Variants in FSTL5 observed in about 807,000 individuals in gnomAD.
The protein encoded by FSTL5 is follistatin like 5.
FSTL5 carries 62 observed loss-of-function variants against 89.1 expected under a neutral mutation model. The ratio of observed to expected loss-of-function variants is 0.70; its 90% CI spans 0.57 to 0.86. FSTL5 has a LOEUF of 0.86. Ranked by LOEUF, FSTL5 falls within the 40% of genes least tolerant of loss-of-function variation. The probability of loss-of-function intolerance (pLI) is 0.00; values close to 1 mark genes in which losing one functional copy is unlikely to be tolerated. For missense variants in FSTL5, 1,057 were observed against 1,001.6 expected, an observed-to-expected ratio of 1.06 and a Z score of -0.75; for synonymous variants, 383 against 346.2, an observed-to-expected ratio of 1.11 and a Z score of -1.18.
At chr4:161,576,678 A>C (rs2126593418) in intron 8 of FSTL5, among the ~76,000 whole-genome samples, 1 of 152,302 alleles carries the variant, frequency 6.6e-6, no homozygotes, top group African/African-American at 2.4e-5. Context: ...TTTCAAATTT[A>C]AAATAGCTCC....
At chr4:162,023,081 C>A (rs909078426) in intron 3 of FSTL5, among the ~76,000 whole-genome samples, 2 of 152,072 alleles carry the variant, frequency 1.3e-5, no homozygotes, top group Admixed American at 6.6e-5. Flanking sequence ...TACATTTGTA[C>A]AATTTTTTTA....
intron 2 of FSTL5, among the ~76,000 whole-genome samples, chr4:162,083,333 A>G (rs1421056312): frequency 6.6e-6 from 1 of 151,812 alleles, no homozygotes; most frequent in Non-Finnish European, 1.5e-5. Flanking sequence ...ATGAATGATC[A>G]TTACCACATG....
chr4:161,717,479 A>T (rs573031280), intron 6 of FSTL5, among the ~76,000 whole-genome samples: 2 of 152,290 alleles, frequency 1.3e-5, no homozygotes, highest in African/African-American at 4.8e-5. Flanking sequence ...TAACATTAAA[A>T]ATCATACCCC....
chr4:161,551,676 A>G (rs1194254289), intron 8 of FSTL5, among the ~76,000 whole-genome samples: 1 of 151,996 alleles, frequency 6.6e-6, no homozygotes, highest in African/African-American at 2.4e-5. Context: ...CTCAGAAATA[A>G]TGCCGCATAT....
chr4:161,865,050 T>C (rs956937796), intron 4 of FSTL5, among the ~76,000 whole-genome samples: 2 of 151,470 alleles, frequency 1.3e-5, no homozygotes, highest in African/African-American at 4.9e-5. Flanking sequence ...AGCAGAGTGA[T>C]AAAAAAAAAA....
Position 161,920,547 on chromosome 4 carries a change from C to A in FSTL5, c.266G>T (p.Cys89Phe). Residue 89 changes from cysteine to phenylalanine, a missense_variant, in exon 4 of 16, where the codon TGT becomes TTT. Cys to Phe is a radical substitution (Grantham distance 205). Around this residue, in one of 3 missense-constraint regions of FSTL5, gnomAD observed 980 missense variants for 903.2 expected, o/e 1.08. Coordinates refer to ENST00000306100, the MANE Select transcript of FSTL5 (RefSeq NM_020116.5). ...SRETGQAECA[C>F]MDLCKRHYKP... ...GTAGTGACGTTTGCAAAGGTCCATA[C>A]AGGCACATTCTGCTTGCCCTGTCTC... 1 of 1,614,012 alleles carries A rather than the reference C, an allele frequency of 6.2e-7. No homozygotes were observed.
chr4:161,991,731 C>A (rs75279060), intron 3 of FSTL5, among the ~76,000 whole-genome samples: 1 of 152,040 alleles, frequency 6.6e-6, no homozygotes, highest in Non-Finnish European at 1.5e-5. Context: ...ATGCAGGTGT[C>A]CCGGAGCCAA....
At chr4:161,855,230 G>GT (rs541799877) in intron 4 of FSTL5, among the ~76,000 whole-genome samples, 142 of 152,134 alleles carry the variant, frequency 9.3e-4, no homozygotes, top group Non-Finnish European at 1.6e-3. Context: ...TCTGGGCTGT[G>GT]TAAACATAGG....
chr4:161,891,279 T>G (rs971218767), intron 4 of FSTL5, among the ~76,000 whole-genome samples: 10 of 152,142 alleles, frequency 6.6e-5, no homozygotes, highest in African/African-American at 2.4e-4. Flanking sequence ...TATTTCAGAA[T>G]TTTATTTCCT....
chr4:161,821,606 A>G (rs1470326936), intron 4 of FSTL5, among the ~76,000 whole-genome samples: 1 of 152,080 alleles, frequency 6.6e-6, no homozygotes, highest in East Asian at 1.9e-4. Flanking sequence ...AGTCCATTGT[A>G]TTATTCTTAT....
intron 4 of FSTL5, among the ~76,000 whole-genome samples, chr4:161,812,914 G>A (rs866976124): frequency 1.3e-5 from 1 of 78,454 alleles, no homozygotes; most frequent in African/African-American, 4.0e-5. Context: ...AAAAGATTAC[G>A]TTTTAGAAGA....
intron 4 of FSTL5, among the ~76,000 whole-genome samples, chr4:161,865,762 T>C (rs1371866343): frequency 1.3e-5 from 2 of 151,672 alleles, no homozygotes; most frequent in African/African-American, 4.8e-5. Context: ...CTATATTATA[T>C]TGAAATTTAC....
intron 4 of FSTL5, among the ~76,000 whole-genome samples, chr4:161,792,329 C>G (rs2082668): frequency 0.96 from 145,409 of 152,144 alleles, 69,533 homozygotes; most frequent in South Asian, 0.99. Flanking sequence ...GCATGGGACT[C>G]TAGGCGCCCC....
At chr4:161,452,581 C>T (rs1332298153) in intron 15 of FSTL5, among the ~76,000 whole-genome samples, 1 of 151,988 alleles carries the variant, frequency 6.6e-6, no homozygotes, top group African/African-American at 2.4e-5. Flanking sequence ...TTAAAACTAC[C>T]TTACATAGTT....
chr4:161,411,236 C>T (rs974639408), intron 15 of FSTL5, among the ~76,000 whole-genome samples: 3 of 152,288 alleles, frequency 2.0e-5, no homozygotes, highest in South Asian at 2.1e-4. Flanking sequence ...AGATGATTCA[C>T]AGCCAAAGTC....
At chr4:161,770,652 T>C (rs1326519017) in intron 5 of FSTL5, among the ~76,000 whole-genome samples, 2 of 151,938 alleles carry the variant, frequency 1.3e-5, no homozygotes, top group Non-Finnish European at 2.9e-5. Flanking sequence ...AAGACAACGT[T>C]TTCATTATTT....
At chr4:161,688,171 C>T (rs1737807755) in intron 6 of FSTL5, among the ~76,000 whole-genome samples, 1 of 152,188 alleles carries the variant, frequency 6.6e-6, no homozygotes, top group Admixed American at 6.5e-5. Flanking sequence ...CAACCTATAG[C>T]TCCTGTGCTC....
chr4:161,964,549 GAGT>G (rs1735270610), intron 3 of FSTL5, among the ~76,000 whole-genome samples: 1 of 151,958 alleles, frequency 6.6e-6, no homozygotes, highest in South Asian at 2.1e-4. Context: ...TAATATAGCG[GAGT>G]GGGAGATTTA....
chr4:162,000,211 A>G lies in FSTL5; in HGVS notation c.160+33414T>C, dbSNP rs979172664. 2.6e-5 allele frequency among the ~76,000 whole-genome samples: 4 copies of G among 152,320 alleles called. No individual in the cohort carries two copies. The East Asian group carries it at 7.7e-4, about 29-fold the overall frequency. On this transcript the variant is annotated intron_variant, in intron 3 of 15. Transcript: ENST00000306100. ...TATGCTCTAAAATTGCAGATTGAAT[A>G]ATTTTCTTTTTTATTAAACCACTTA...
Sources: allele counts gnomAD v4.1 joint callset (sites outside exome capture counted in the v4.1 genomes callset), GRCh38; gene constraint gnomAD v4.1.1; regional missense constraint gnomAD v4.1.1; transcripts MANE v1.5; gene names NCBI Gene and HGNC (gene_info 2026-07-23, HGNC 2026-07-21).